LRRC4C: variants seen among roughly 807,000 people sequenced by gnomAD.
LRRC4C encodes leucine-rich repeat-containing protein 4C.
Under a neutral mutation model 33.6 loss-of-function variants are expected in LRRC4C, and 5 were observed. The observed-to-expected ratio is 0.15, with a 90% confidence interval of 0.08 to 0.31. The LOEUF (loss-of-function observed/expected upper bound fraction) is 0.31, where lower values mean the gene tolerates loss of function less well. Among genes scored for constraint, LRRC4C ranks in the 10% least tolerant of loss-of-function variants. The pLI is 1.00. For missense variants in LRRC4C, 560 were observed against 796.7 expected, an observed-to-expected ratio of 0.70 and a Z score of 3.58; for synonymous variants, 329 against 302.0, an observed-to-expected ratio of 1.09 and a Z score of -0.93.
At chr11:40,872,971 T>C (rs1954720832) in intron 2 of LRRC4C, among the ~76,000 whole-genome samples, 2 of 152,154 alleles carry the variant, frequency 1.3e-5, no homozygotes, top group South Asian at 4.1e-4. Context: ...TATTATTTGC[T>C]GTAAGTTAAA....
chr11:41,252,879 C>A (rs1948686593), intron 1 of LRRC4C, among the ~76,000 whole-genome samples: 1 of 152,058 alleles, frequency 6.6e-6, no homozygotes, highest in African/African-American at 2.4e-5. Flanking sequence ...TTATTCACTA[C>A]CACAAGAACA....
chr11:40,484,133 A>C (rs995074414), intron 3 of LRRC4C, among the ~76,000 whole-genome samples: 1 of 152,210 alleles, frequency 6.6e-6, no homozygotes, highest in African/African-American at 2.4e-5. Flanking sequence ...AAAATGTACT[A>C]ATCTAGTGTT....
chr11:40,260,907 G>A (rs1267001236), intron 4 of LRRC4C, among the ~76,000 whole-genome samples: 2 of 152,006 alleles, frequency 1.3e-5, no homozygotes, highest in African/African-American at 2.4e-5. Context: ...TAGAGACAGG[G>A]TCTTGCTCTG....
At chr11:40,757,846 T>A (rs1419516849) in intron 2 of LRRC4C, among the ~76,000 whole-genome samples, 1 of 152,100 alleles carries the variant, frequency 6.6e-6, no homozygotes, top group Non-Finnish European at 1.5e-5. Context: ...AGCAATACTC[T>A]GGGTGTTACA....
chr11:40,132,306 A>G (rs867095515), intron 6 of LRRC4C, among the ~76,000 whole-genome samples: 85 of 152,202 alleles, frequency 5.6e-4, no homozygotes, highest in African/African-American at 2.0e-3. Flanking sequence ...TAAATTCCTC[A>G]AAACAAATGC....
At chr11:40,918,058 G>A (rs975329422) in intron 2 of LRRC4C, among the ~76,000 whole-genome samples, 5 of 152,060 alleles carry the variant, frequency 3.3e-5, no homozygotes, top group Admixed American at 2.0e-4. Context: ...TCAGTATGTT[G>A]AATAGGTAAA....
At chr11:40,713,061 T>A (rs2136610285) in intron 2 of LRRC4C, among the ~76,000 whole-genome samples, 1 of 151,548 alleles carries the variant, frequency 6.6e-6, no homozygotes, top group Admixed American at 6.6e-5. Flanking sequence ...GCTAATTTTT[T>A]TTTTTTTTTT....
intron 2 of LRRC4C, among the ~76,000 whole-genome samples, chr11:40,915,280 A>G (rs552224953): frequency 4.6e-5 from 7 of 152,182 alleles, no homozygotes; most frequent in Non-Finnish European, 1.0e-4. Flanking sequence ...GCATCACTCT[A>G]CCTGACTTCA....
intron 5 of LRRC4C, among the ~76,000 whole-genome samples, chr11:40,161,201 T>C (rs1274508210): frequency 1.3e-5 from 2 of 152,138 alleles, no homozygotes; most frequent in African/African-American, 4.8e-5. Context: ...TAAAATAATT[T>C]TACAGAGTTT....
chr11:40,564,998 T>C (rs1261061306), intron 3 of LRRC4C, among the ~76,000 whole-genome samples: 1 of 152,160 alleles, frequency 6.6e-6, no homozygotes, highest in African/African-American at 2.4e-5. Flanking sequence ...AAGATCGCTC[T>C]GGGATAAGGG....
Position 40,189,979 on chromosome 11 carries a change from C to G in LRRC4C, c.-95-49126G>C, listed in dbSNP as rs566121756. ...AACTTTTCATAATCACCCACAGAAT[C>G]ACAGCAAATGAGGTTTCTAAAGAGC... On this transcript the variant is annotated intron_variant, in intron 5 of 6. Coordinates refer to ENST00000528697, the MANE Select transcript of LRRC4C (RefSeq NM_001258419.2). 1.4e-4 allele frequency among the ~76,000 whole-genome samples: 22 copies of G among 152,268 alleles called. 1 individual carries two copies. The South Asian group carries it at 4.6e-3, about 32-fold the overall frequency.
At chr11:40,777,503 T>C (rs1428281672) in intron 2 of LRRC4C, among the ~76,000 whole-genome samples, 3 of 101,144 alleles carry the variant, frequency 3.0e-5, no homozygotes, top group Non-Finnish European at 2.2e-5. Context: ...TTTACTGTTT[T>C]TTTTTTTTTT....
intron 3 of LRRC4C, among the ~76,000 whole-genome samples, chr11:40,324,331 A>C (rs1354110597): frequency 6.6e-6 from 1 of 152,192 alleles, no homozygotes; most frequent in Non-Finnish European, 1.5e-5. Flanking sequence ...AAAGGTGAGC[A>C]GTTTTTTTTG....
chr11:41,410,633 T>G (rs913598739), intron 1 of LRRC4C, among the ~76,000 whole-genome samples: 1 of 151,566 alleles, frequency 6.6e-6, no homozygotes, highest in Non-Finnish European at 1.5e-5. Flanking sequence ...GTAGAGACGG[T>G]GTTTCACCGT....
At chr11:41,202,430 T>A (rs2136270971) in intron 1 of LRRC4C, among the ~76,000 whole-genome samples, 1 of 152,336 alleles carries the variant, frequency 6.6e-6, no homozygotes, top group African/African-American at 2.4e-5. Flanking sequence ...ATTAACTACA[T>A]AAATATTCTC....
At chr11:41,010,114 T>C (rs1302187946) in intron 1 of LRRC4C, among the ~76,000 whole-genome samples, 1 of 152,116 alleles carries the variant, frequency 6.6e-6, no homozygotes, top group Non-Finnish European at 1.5e-5. Flanking sequence ...CCCAAAGCTG[T>C]CAGAGAAAGC....
rs181275284 is a variant in LRRC4C at position 41,228,418 on chromosome 11, T to C, written c.-496+231013A>G. On this transcript the variant is annotated intron_variant, in intron 1 of 6. Coordinates refer to ENST00000528697, the MANE Select transcript of LRRC4C (RefSeq NM_001258419.2). ...AGGTAAACAATTATTTTCCATCCACTCTTTAAAGTTTCATTCTGTTGGGGC... is the reference window on the plus strand; with the variant it reads ...AGGTAAACAATTATTTTCCATCCACCCTTTAAAGTTTCATTCTGTTGGGGC... Among the ~76,000 whole-genome samples the C allele has an allele frequency of 2.1e-3, 321 of 152,232 alleles. 1 individual carries two copies. The highest frequency in any genetic ancestry group is 2.9e-3 in the Admixed American group (45 of 15,270).
intron 3 of LRRC4C, among the ~76,000 whole-genome samples, chr11:40,436,237 A>G (rs568920242): frequency 6.6e-6 from 1 of 152,342 alleles, no homozygotes; most frequent in South Asian, 2.1e-4. Context: ...AAGACTAACA[A>G]TTATAATAAT....
intron 1 of LRRC4C, among the ~76,000 whole-genome samples, chr11:41,229,032 G>A (rs576082693): frequency 6.6e-6 from 1 of 151,940 alleles, no homozygotes; most frequent in Non-Finnish European, 1.5e-5. Flanking sequence ...TCTCCTATTT[G>A]TTGCATTTTC....
Sources: gnomAD v4.1 joint callset for allele counts (sites outside exome capture counted in the v4.1 genomes callset) on GRCh38, gnomAD v4.1.1 for gene constraint, MANE v1.5 for transcripts, NCBI Gene and HGNC (gene_info 2026-07-23, HGNC 2026-07-21) for gene names.